The following SCHIP1 variants were observed in gnomAD, a reference collection of about 807,000 sequenced individuals.
SCHIP1 encodes schwannomin interacting protein 1, also known as schwannomin-interacting protein 1.
In SCHIP1, 8 loss-of-function variants were observed where a neutral mutation model predicts 29.7. The observed-to-expected ratio is 0.27, with a 90% CI of 0.16 to 0.49. SCHIP1 has a LOEUF of 0.49. Ranked by LOEUF, SCHIP1 falls within the 20% of genes least tolerant of loss-of-function variation. The pLI is 0.99. For missense variants in SCHIP1, 193 were observed against 294.6 expected (o/e 0.66, Z 2.52); for synonymous variants, 76 against 94.9 (o/e 0.80, Z 1.16).
chr3:159,396,699 C>T, the SCHIP1 span, among the ~76,000 whole-genome samples: 3 of 152,188 alleles, frequency 2.0e-5, no homozygotes, highest in Admixed American at 1.3e-4. Flanking sequence ...CGCTGTTAGT[C>T]TGATGGGCTT....
chr3:159,813,533 T>G, the SCHIP1 span, among the ~76,000 whole-genome samples: 1 of 151,772 alleles, frequency 6.6e-6, no homozygotes, highest in African/African-American at 2.4e-5. Context: ...TCTACAAAAG[T>G]TTTAAAAATT....
the SCHIP1 span, among the ~76,000 whole-genome samples, chr3:159,756,514 G>C: frequency 6.6e-6 from 1 of 152,194 alleles, no homozygotes; most frequent in Non-Finnish European, 1.5e-5. Context: ...GCAGGTCTAT[G>C]ACGGGAGGGG....
At chr3:159,716,974 C>T in the SCHIP1 span, among the ~76,000 whole-genome samples, 18 of 152,170 alleles carry the variant, frequency 1.2e-4, no homozygotes, top group African/African-American at 3.6e-4. Context: ...CCAATATTGA[C>T]CACATTGTAG....
At chr3:159,649,021 T>C in the SCHIP1 span, among the ~76,000 whole-genome samples, 21 of 152,308 alleles carry the variant, frequency 1.4e-4, no homozygotes, top group East Asian at 3.9e-3. Flanking sequence ...ATACACAGAA[T>C]GGGACTTGGC....
At chr3:159,543,117 G>GTGTA in the SCHIP1 span, among the ~76,000 whole-genome samples, 2 of 148,022 alleles carry the variant, frequency 1.4e-5, no homozygotes, top group African/African-American at 4.9e-5. Context: ...ATACATGTGT[G>GTGTA]TATATATATA....
chr3:159,813,990 A>T, the SCHIP1 span, among the ~76,000 whole-genome samples: 2 of 151,920 alleles, frequency 1.3e-5, no homozygotes, highest in Non-Finnish European at 2.9e-5. Context: ...AATGCAGAAG[A>T]TGTTGTCAGG....
At chr3:159,334,811 A>T in the SCHIP1 span, among the ~76,000 whole-genome samples, 1 of 152,074 alleles carries the variant, frequency 6.6e-6, no homozygotes, top group African/African-American at 2.4e-5. Context: ...AGGGTATTTT[A>T]GTTGTTTCCA....
the SCHIP1 span, among the ~76,000 whole-genome samples, chr3:159,774,965 TC>T: frequency 6.6e-6 from 1 of 152,210 alleles, no homozygotes; most frequent in East Asian, 1.9e-4. Flanking sequence ...TTTTTTTTCT[TC>T]CATTTCTCAG....
At chr3:159,561,471 T>G in the SCHIP1 span, among the ~76,000 whole-genome samples, 2 of 152,222 alleles carry the variant, frequency 1.3e-5, no homozygotes, top group Admixed American at 6.5e-5. Context: ...GCTGGGACAT[T>G]TAGCCATATC....
the SCHIP1 span, among the ~76,000 whole-genome samples, chr3:159,514,029 C>A: frequency 2.6e-4 from 39 of 152,122 alleles, no homozygotes; most frequent in Non-Finnish European, 2.9e-5. Flanking sequence ...GTGAAATGAA[C>A]CTGGCATTAG....
At chr3:159,654,150 C>T in the SCHIP1 span, among the ~76,000 whole-genome samples, 4 of 152,098 alleles carry the variant, frequency 2.6e-5, no homozygotes, top group South Asian at 8.3e-4. Context: ...GTCAGAGAAA[C>T]TCCCTAGTCC....
At chr3:159,407,473 T>A in the SCHIP1 span, among the ~76,000 whole-genome samples, 1 of 152,310 alleles carries the variant, frequency 6.6e-6, no homozygotes, top group African/African-American at 2.4e-5. Context: ...ATTGGACAGA[T>A]CATCCAGACA....
the SCHIP1 span, among the ~76,000 whole-genome samples, chr3:159,739,180 C>T: frequency 1.4e-4 from 22 of 152,302 alleles, no homozygotes; most frequent in Admixed American, 1.4e-3. Flanking sequence ...ATTTGTCTTG[C>T]TCATATTGTC....
chr3:159,458,403 G>T, the SCHIP1 span, among the ~76,000 whole-genome samples: 6 of 152,202 alleles, frequency 3.9e-5, no homozygotes, highest in African/African-American at 1.4e-4. Context: ...CCAGGAGGGC[G>T]ATCTCAGCAG....
At chr3:159,712,166 A>G in the SCHIP1 span, among the ~76,000 whole-genome samples, 1 of 152,060 alleles carries the variant, frequency 6.6e-6, no homozygotes, top group Admixed American at 6.5e-5. Flanking sequence ...TGCCTTTTAA[A>G]TCTCACTTGA....
chr3:159,784,835 G>A, the SCHIP1 span, among the ~76,000 whole-genome samples: 2 of 152,122 alleles, frequency 1.3e-5, no homozygotes, highest in African/African-American at 2.4e-5. Context: ...TGTATTTTTA[G>A]TAGAGACAGG....
the SCHIP1 span, among the ~76,000 whole-genome samples, chr3:159,350,682 T>C: frequency 6.6e-6 from 1 of 152,100 alleles, no homozygotes; most frequent in Non-Finnish European, 1.5e-5. Flanking sequence ...AAGATACAAA[T>C]ATATAGCAAA....
the SCHIP1 span, among the ~76,000 whole-genome samples, chr3:159,761,322 G>C: frequency 6.6e-6 from 1 of 152,208 alleles, no homozygotes; most frequent in African/African-American, 2.4e-5. Context: ...AGAATTGACA[G>C]GACTTGTTGA....
the SCHIP1 span, among the ~76,000 whole-genome samples, chr3:159,728,046 T>G: frequency 6.6e-6 from 1 of 151,760 alleles, no homozygotes; most frequent in African/African-American, 2.4e-5. Context: ...TAAGAGTAAC[T>G]TTAATAAATC....
Sources: gnomAD v4.1 joint callset for allele counts (sites outside exome capture counted in the v4.1 genomes callset) on GRCh38, gnomAD v4.1.1 for gene constraint, MANE v1.5 for transcripts, NCBI Gene and HGNC (gene_info 2026-07-23, HGNC 2026-07-21) for gene names.